The following GPD2 variants were observed in gnomAD, a reference collection of about 807,000 sequenced individuals.
GPD2 encodes glycerol-3-phosphate dehydrogenase, mitochondrial.
GPD2 carries 54 observed loss-of-function variants against 82.4 expected under a neutral mutation model. That is an observed-to-expected ratio of 0.66 (90% confidence interval 0.53 to 0.82). GPD2 has a LOEUF of 0.82. Among genes scored for constraint, GPD2 ranks in the 40% least tolerant of loss-of-function variants. The probability of loss-of-function intolerance (pLI) is 0.00; values close to 1 mark genes in which losing one functional copy is unlikely to be tolerated. For synonymous variants in GPD2, 288 were observed against 306.1 expected (o/e 0.94, Z 0.62); for missense variants, 748 against 896.2 (o/e 0.83, Z 2.11).
At chr2:156,424,709 T>G in the GPD2 span, among the ~76,000 whole-genome samples, 1 of 152,206 alleles carries the variant, frequency 6.6e-6, no homozygotes, top group Non-Finnish European at 1.5e-5. Flanking sequence ...TGCTAATAAT[T>G]TCTTAAAGTC....
intron 3 of GPD2, chr2:156,501,707 C>T (rs1684590349): frequency 5.9e-6 from 1 of 168,872 alleles, no homozygotes; most frequent in Non-Finnish European, 1.5e-5. Flanking sequence ...GCTAATTAGA[C>T]TAGATTGCAA....
chr2:156,423,122 T>A, the GPD2 span, among the ~76,000 whole-genome samples: 2 of 152,354 alleles, frequency 1.3e-5, no homozygotes, highest in African/African-American at 2.4e-5. Flanking sequence ...TCAGAGAGAT[T>A]AGGCAGATTG....
the GPD2 span, among the ~76,000 whole-genome samples, chr2:156,422,552 A>C: frequency 1.3e-5 from 2 of 151,912 alleles, no homozygotes; most frequent in Non-Finnish European, 2.9e-5. Context: ...AACACGGTGA[A>C]ACCTCATCTC....
At chr2:156,579,607 C>G in intron 15 of GPD2, 83 bp from the exon 16 acceptor site, 1 of 760,958 alleles carries the variant, frequency 1.3e-6, no homozygotes, top group Non-Finnish European at 2.4e-6. Context: ...GCTGGGATTA[C>G]AGGCATGAGC....
intron 1 of GPD2, among the ~76,000 whole-genome samples, chr2:156,437,207 C>T (rs1451739485): frequency 6.6e-6 from 1 of 152,144 alleles, no homozygotes; most frequent in East Asian, 1.9e-4. Flanking sequence ...TAGGAGGCAG[C>T]TATAGAAATA....
rs896884975 is a variant in GPD2, at chr2:156,513,609, A to C, written c.661+113A>C. ...CATCTTTAAATACTAATCTTACACA[A>C]CACACAAACACACGTGCACGCACAT... On this transcript the variant is annotated intron_variant, in intron 6 of 16. Coordinates refer to ENST00000438166, the MANE Select transcript of GPD2 (RefSeq NM_000408.5). 8.7e-6 allele frequency: 7 copies of C among 803,840 alleles called. No individual in the cohort carries two copies. The South Asian group carries it at 1.0e-4, about 12-fold the overall frequency. 49.8% of individuals were successfully genotyped at this position (803,840 alleles called of 1,614,324 possible).
intron 1 of GPD2, among the ~76,000 whole-genome samples, chr2:156,472,062 A>AT (rs1387296656): frequency 6.6e-6 from 1 of 152,158 alleles, no homozygotes; most frequent in Admixed American, 6.5e-5. Flanking sequence ...AGCTAATTCT[A>AT]TTTTTTAAAA....
At chr2:156,489,687 TCTTCCTTCCTTCCTTCCTTC>T (rs143845551) in intron 2 of GPD2, among the ~76,000 whole-genome samples, 9 of 109,178 alleles carry the variant, frequency 8.2e-5, no homozygotes, top group South Asian at 3.6e-4. Context: ...TTTCCTTCCT[TCTTCCTTCCTTCCTTCCTTC>T]CTTCCTTCCT....
At chr2:156,537,093 A>G (rs1337724362) in intron 6 of GPD2, among the ~76,000 whole-genome samples, 1 of 152,216 alleles carries the variant, frequency 6.6e-6, no homozygotes, top group East Asian at 1.9e-4. Flanking sequence ...TTTGACGTCT[A>G]CAGTGGGAGA....
intron 1 of GPD2, among the ~76,000 whole-genome samples, chr2:156,459,464 A>G (rs949152152): frequency 1.3e-5 from 2 of 152,060 alleles, no homozygotes; most frequent in African/African-American, 2.4e-5. Context: ...AGGTGGGTGG[A>G]TCACGAGGTC....
intron 3 of GPD2, among the ~76,000 whole-genome samples, chr2:156,510,527 T>C (rs1684957413): frequency 6.6e-6 from 1 of 152,232 alleles, no homozygotes; most frequent in Non-Finnish European, 1.5e-5. Context: ...CACCAGAGTA[T>C]GTTACTGCCA....
chr2:156,427,579 G>T, the GPD2 span, among the ~76,000 whole-genome samples: 1 of 152,176 alleles, frequency 6.6e-6, no homozygotes, highest in Non-Finnish European at 1.5e-5. Flanking sequence ...AATTGCTTTG[G>T]CATTCTGAAT....
intron 1 of GPD2, among the ~76,000 whole-genome samples, chr2:156,473,995 G>A (rs1683420544): frequency 6.6e-6 from 1 of 152,150 alleles, no homozygotes; most frequent in Non-Finnish European, 1.5e-5. Context: ...TCCAGCAGCA[G>A]AGTACATATG....
chr2:156,480,775 T>TC (rs1491398175), intron 2 of GPD2, among the ~76,000 whole-genome samples: 110 of 131,048 alleles, frequency 8.4e-4, no homozygotes, highest in African/African-American at 3.1e-3. Flanking sequence ...TCTCTCTCTC[T>TC]TTTTTTTTTT....
At chr2:156,428,566 T>C in the GPD2 span, among the ~76,000 whole-genome samples, 1 of 152,220 alleles carries the variant, frequency 6.6e-6, no homozygotes, top group African/African-American at 2.4e-5. Context: ...ATTTCTCATA[T>C]GTCAAGTTGT....
chr2:156,434,970 A>C (rs1054535835), upstream of GPD2, among the ~76,000 whole-genome samples: 2 of 152,112 alleles, frequency 1.3e-5, no homozygotes, highest in Non-Finnish European at 2.9e-5. Flanking sequence ...GACTCATTGG[A>C]CTTGGGGATG....
chr2:156,463,030 G>T (rs1683043023), intron 1 of GPD2, among the ~76,000 whole-genome samples: 1 of 152,172 alleles, frequency 6.6e-6, no homozygotes, highest in Non-Finnish European at 1.5e-5. Context: ...TAGTTTGGAA[G>T]AAGCAGGAAA....
chr2:156,452,011 A>G (rs1265621210), intron 1 of GPD2, among the ~76,000 whole-genome samples: 2 of 147,240 alleles, frequency 1.4e-5, no homozygotes, highest in Non-Finnish European at 3.0e-5. Context: ...CCGGGCAGAG[A>G]TGCTTCTCTC....
chr2:156,562,377 T>C (rs867178167), intron 9 of GPD2, among the ~76,000 whole-genome samples: 1 of 152,220 alleles, frequency 6.6e-6, no homozygotes, highest in Non-Finnish European at 1.5e-5. Context: ...TGTTTAATTA[T>C]AGTGTCACAC....
Sources: allele counts gnomAD v4.1 joint callset (sites outside exome capture counted in the v4.1 genomes callset), GRCh38; gene constraint gnomAD v4.1.1; transcripts MANE v1.5; gene names NCBI Gene and HGNC (gene_info 2026-07-23, HGNC 2026-07-21).